DLGAP2: variants seen among roughly 807,000 people sequenced by gnomAD.
The protein encoded by DLGAP2 is DLG associated protein 2, also known as disks large-associated protein 2.
In DLGAP2, 26 loss-of-function variants were observed where a neutral mutation model predicts 100.3. The ratio of observed to expected loss-of-function variants is 0.26; its 90% confidence interval spans 0.19 to 0.36. DLGAP2 has a LOEUF of 0.36. Ranked by LOEUF, DLGAP2 falls within the 10% of genes least tolerant of loss-of-function variation. The pLI, the probability that DLGAP2 is intolerant of heterozygous loss-of-function variation, is 1.00. For missense variants in DLGAP2, 1,858 were observed against 1,453.2 expected, an observed-to-expected ratio of 1.28 and a Z score of -4.53; for synonymous variants, 886 against 630.1, an observed-to-expected ratio of 1.41 and a Z score of -6.08.
chr8:1,287,694 AGTGTGTGTGT>A (rs1271962722), intron 3 of DLGAP2, among the ~76,000 whole-genome samples: 11,768 of 57,172 alleles, frequency 0.21, 1,729 homozygotes, highest in Middle Eastern at 0.24. Context: ...GTTTCGGTTC[AGTGTGTGTGT>A]GTGTGTGTGT....
At chr8:929,654 T>A (rs545199436) in intron 2 of DLGAP2, among the ~76,000 whole-genome samples, 1 of 37,664 alleles carries the variant, frequency 2.7e-5, no homozygotes, top group African/African-American at 1.4e-4. Context: ...CCCCCACCAT[T>A]CCCCCTCTAA....
At chr8:1,279,957 G>A (rs1242015369) in intron 3 of DLGAP2, among the ~76,000 whole-genome samples, 2 of 152,204 alleles carry the variant, frequency 1.3e-5, no homozygotes, top group Non-Finnish European at 2.9e-5. Context: ...CCCAGGAGGT[G>A]CCTATGTTGT....
chr8:919,584 G>A (rs1476353931), intron 2 of DLGAP2, among the ~76,000 whole-genome samples: 1 of 152,186 alleles, frequency 6.6e-6, no homozygotes, highest in Non-Finnish European at 1.5e-5. Flanking sequence ...GTTCACACTG[G>A]GGTCCTGAGA....
chr8:1,421,783 G>C (rs1223226939), intron 3 of DLGAP2, among the ~76,000 whole-genome samples: 1 of 152,006 alleles, frequency 6.6e-6, no homozygotes, highest in Non-Finnish European at 1.5e-5. Flanking sequence ...GGCCAACATG[G>C]TGAAACCCCG....
At chr8:1,060,126 G>C (rs1053158287) in intron 2 of DLGAP2, among the ~76,000 whole-genome samples, 2 of 152,216 alleles carry the variant, frequency 1.3e-5, no homozygotes, top group Admixed American at 1.3e-4. Flanking sequence ...GAACCACGGA[G>C]TGGGTGCTTG....
intron 4 of DLGAP2, among the ~76,000 whole-genome samples, chr8:1,547,574 G>A (rs1043144661): frequency 6.6e-6 from 1 of 152,158 alleles, no homozygotes; most frequent in African/African-American, 2.4e-5. Flanking sequence ...GGGAGCAACA[G>A]GCCGTGGAGC....
intron 3 of DLGAP2, among the ~76,000 whole-genome samples, chr8:1,471,302 TCCCGACC>T (rs1798782847): frequency 9.7e-5 from 7 of 72,406 alleles, no homozygotes; most frequent in African/African-American, 4.2e-4. Flanking sequence ...CTCCAGCTTT[TCCCGACC>T]CCTCCAGCCT....
At chr8:1,005,751 G>A (rs962173471) in intron 2 of DLGAP2, among the ~76,000 whole-genome samples, 4 of 152,078 alleles carry the variant, frequency 2.6e-5, no homozygotes, top group African/African-American at 9.7e-5. Context: ...CATGCCTTGT[G>A]CCCTGGGAAC....
chr8:1,135,714 A>G (rs561175854), intron 2 of DLGAP2, among the ~76,000 whole-genome samples: 123 of 152,118 alleles, frequency 8.1e-4, no homozygotes, highest in African/African-American at 2.9e-3. Context: ...AAAAAAGCCA[A>G]ACCTCTCCAT....
At chr8:1,484,728 A>T (rs951909827) in intron 3 of DLGAP2, among the ~76,000 whole-genome samples, 1 of 152,226 alleles carries the variant, frequency 6.6e-6, no homozygotes, top group Admixed American at 6.5e-5. Flanking sequence ...ATCCATGAAA[A>T]ATTAAACCAA....
intron 2 of DLGAP2, among the ~76,000 whole-genome samples, chr8:1,176,784 G>A (rs1300564685): frequency 2.0e-5 from 3 of 152,176 alleles, no homozygotes; most frequent in Non-Finnish European, 2.9e-5. Context: ...TGTGGAAAGA[G>A]GTCTCGGTTG....
intron 2 of DLGAP2, among the ~76,000 whole-genome samples, chr8:1,025,384 C>T (rs1258635847): frequency 6.6e-6 from 1 of 152,074 alleles, no homozygotes; most frequent in African/African-American, 2.4e-5. Context: ...TTAACTGAGC[C>T]CGGCATTGGG....
At chr8:1,617,297 T>G (rs1797187337) in intron 6 of DLGAP2, among the ~76,000 whole-genome samples, 1 of 152,224 alleles carries the variant, frequency 6.6e-6, no homozygotes, top group African/African-American at 2.4e-5. Flanking sequence ...TTTGAGGATT[T>G]GCCACTCTGC....
intron 2 of DLGAP2, among the ~76,000 whole-genome samples, chr8:1,107,354 G>T (rs1804809588): frequency 6.6e-6 from 1 of 152,168 alleles, no homozygotes; most frequent in South Asian, 2.1e-4. Flanking sequence ...TGCTGTTGCT[G>T]AGCCCCCGCA....
chr8:1,484,248 G>A (rs1401853623), intron 3 of DLGAP2, among the ~76,000 whole-genome samples: 1 of 152,246 alleles, frequency 6.6e-6, no homozygotes, highest in Non-Finnish European at 1.5e-5. Context: ...CAGCTTTGCA[G>A]GGCTTCTTGT....
At chr8:1,334,778 C>T (rs1801235693) in intron 3 of DLGAP2, among the ~76,000 whole-genome samples, 1 of 152,164 alleles carries the variant, frequency 6.6e-6, no homozygotes, top group Non-Finnish European at 1.5e-5. Context: ...CATAATGTAA[C>T]ATGGTAAATA....
intron 2 of DLGAP2, among the ~76,000 whole-genome samples, chr8:1,025,387 G>C (rs950673209): frequency 2.6e-5 from 4 of 152,140 alleles, no homozygotes; most frequent in African/African-American, 7.2e-5. Flanking sequence ...ACTGAGCCCG[G>C]CATTGGGATG....
intron 3 of DLGAP2, among the ~76,000 whole-genome samples, chr8:1,281,745 T>A (rs1247532960): frequency 6.6e-6 from 1 of 152,180 alleles, no homozygotes; most frequent in Admixed American, 6.5e-5. Context: ...CTTGAAAGCC[T>A]TCCCCGGGGA....
At chr8:1,209,939 T>G (rs931193814) in intron 2 of DLGAP2, among the ~76,000 whole-genome samples, 4 of 152,162 alleles carry the variant, frequency 2.6e-5, no homozygotes, top group Non-Finnish European at 5.9e-5. Context: ...CTTGACCACT[T>G]TCAACTGGAG....
Sources: gnomAD v4.1 joint callset for allele counts (sites outside exome capture counted in the v4.1 genomes callset) on GRCh38, gnomAD v4.1.1 for gene constraint, MANE v1.5 for transcripts, NCBI Gene and HGNC (gene_info 2026-07-23, HGNC 2026-07-21) for gene names.